Variants in PLXDC1 observed in about 807,000 individuals in gnomAD.
The protein encoded by PLXDC1 is plexin domain containing 1.
Under a neutral mutation model 61.3 loss-of-function variants are expected in PLXDC1, and 39 were observed. That is an observed-to-expected ratio of 0.64 (90% CI 0.49 to 0.83). The LOEUF (loss-of-function observed/expected upper bound fraction) is 0.83, where lower values mean the gene tolerates loss of function less well. Ranked by LOEUF, PLXDC1 falls within the 40% of genes least tolerant of loss-of-function variation. The pLI, the probability that PLXDC1 is intolerant of heterozygous loss-of-function variation, is 0.00. For missense variants in PLXDC1, 596 were observed against 666.5 expected (o/e 0.89, Z 1.17); for synonymous variants, 212 against 254.5 (o/e 0.83, Z 1.59).
At chr17:39,068,933 G>A (rs945029392) in intron 13 of PLXDC1, among the ~76,000 whole-genome samples, 1 of 152,192 alleles carries the variant, frequency 6.6e-6, no homozygotes, top group African/African-American at 2.4e-5. Flanking sequence ...AGCCAGAAGT[G>A]GAGGACTGGG....
chr17:39,072,475 CT>C lies in PLXDC1; in HGVS notation c.1196del (p.Lys399SerfsTer2). 6.5e-7 allele frequency: 1 copy of C among 1,550,064 alleles called. No homozygotes were observed. Among genetic ancestry groups the C allele is most frequent in the Non-Finnish European group, 8.8e-7 (1 of 1,141,352 alleles). On this transcript the variant is annotated frameshift_variant, in exon 12 of 14. Transcript: ENST00000315392. LOFTEE classifies it high-confidence loss of function. ...IDSLTTEDDT[K>X]LNPYAGGDGL... ...CGTCTCCTCCTGCATAGGGATTCAA[CT>C]TGGTGTCATCTTCAAAGAGAGAAGA...
At chr17:39,108,845 C>A (rs904069956) in intron 4 of PLXDC1, 59 bp downstream of exon 4, 2 of 1,156,266 alleles carry the variant, frequency 1.7e-6, no homozygotes, top group Admixed American at 1.8e-5. Context: ...CCTGGGAGGG[C>A]CCCTGAGTTC....
At chr17:39,076,732 T>C (rs530362728) in intron 11 of PLXDC1, among the ~76,000 whole-genome samples, 1 of 152,038 alleles carries the variant, frequency 6.6e-6, no homozygotes, top group African/African-American at 2.4e-5. Flanking sequence ...TTGTTTTGTT[T>C]TGTGTTGTGT....
chr17:39,130,373 A>G (rs1479473149), intron 2 of PLXDC1, among the ~76,000 whole-genome samples: 1 of 152,034 alleles, frequency 6.6e-6, no homozygotes, highest in African/African-American at 2.4e-5. Flanking sequence ...AGATCCCTTG[A>G]GCCCAGGAGG....
intron 2 of PLXDC1, among the ~76,000 whole-genome samples, chr17:39,130,386 G>A (rs758945297): frequency 2.0e-5 from 3 of 151,992 alleles, no homozygotes; most frequent in Non-Finnish European, 4.4e-5. Context: ...CCAGGAGGTC[G>A]AGGCTGCAGT....
intron 1 of PLXDC1, among the ~76,000 whole-genome samples, chr17:39,142,702 T>C (rs187124463): frequency 1.5e-4 from 23 of 152,346 alleles, no homozygotes; most frequent in Non-Finnish European, 2.9e-5. Context: ...TATTATTTTA[T>C]TTTGTATTTT....
chr17:39,144,393 G>A (rs1912029274), intron 1 of PLXDC1, among the ~76,000 whole-genome samples: 1 of 152,190 alleles, frequency 6.6e-6, no homozygotes. Context: ...AAGAGGGCAG[G>A]GCGAGGGATG....
chr17:39,122,632 C>T (rs566372894), intron 2 of PLXDC1, among the ~76,000 whole-genome samples: 2 of 152,150 alleles, frequency 1.3e-5, no homozygotes, highest in Non-Finnish European at 2.9e-5. Context: ...TGGCAGTGAA[C>T]CTTCCCAAGG....
At chr17:39,071,116 G>A (rs141576418) in intron 12 of PLXDC1, among the ~76,000 whole-genome samples, 1 of 152,312 alleles carries the variant, frequency 6.6e-6, no homozygotes, top group African/African-American at 2.4e-5. Flanking sequence ...ATACGTCCCG[G>A]GGGAGAGAGT....
intron 2 of PLXDC1, among the ~76,000 whole-genome samples, chr17:39,112,843 G>C (rs1378966342): frequency 6.6e-6 from 1 of 152,126 alleles, no homozygotes; most frequent in East Asian, 1.9e-4. Flanking sequence ...TATGATCTGT[G>C]GGTGAGGGGA....
At chr17:39,113,996 GAT>G (rs1159745735) in intron 2 of PLXDC1, among the ~76,000 whole-genome samples, 1 of 152,158 alleles carries the variant, frequency 6.6e-6, no homozygotes, top group Non-Finnish European at 1.5e-5. Flanking sequence ...TTCTGAAAGA[GAT>G]CAAATTTGAC....
chr17:39,149,881 C>T (rs2045362440), intron 1 of PLXDC1, among the ~76,000 whole-genome samples: 1 of 152,124 alleles, frequency 6.6e-6, no homozygotes, highest in South Asian at 2.1e-4. Flanking sequence ...TCAAAGGAGC[C>T]CAGAAATTAT....
intron 1 of PLXDC1, among the ~76,000 whole-genome samples, chr17:39,145,479 C>T (rs1807614891): frequency 6.6e-6 from 1 of 152,160 alleles, no homozygotes; most frequent in African/African-American, 2.4e-5. Flanking sequence ...CCTGGGTCAG[C>T]CTCCACCCTT....
rs964061231 is a variant in PLXDC1 at position 39,087,633 on chromosome 17, G to A, written c.881C>T (p.Ser294Leu). 8.7e-6 allele frequency: 14 copies of A among 1,613,874 alleles called. No individual in the cohort carries two copies. Among genetic ancestry groups the A allele is most frequent in the Admixed American group, 8.3e-5 (5 of 60,000 alleles). Residue 294 changes from serine to leucine, a missense_variant, in exon 8 of 14, where the codon TCG (serine) becomes TTG (leucine). Physicochemically the swap from Ser to Leu is moderately radical, Grantham distance 145 (BLOSUM62 -2). Coordinates refer to ENST00000315392, the MANE Select transcript of PLXDC1 (RefSeq NM_020405.5). ...ELDPSKVTSM[S>L]AVEFTPLPTC... ...CGGCAATGGGGTGAACTCCACGGCC[G>A]ACATGCTGGTGACCTTGCTGGGGTC...
chr17:39,144,162 C>G (rs1276143861), intron 1 of PLXDC1, among the ~76,000 whole-genome samples: 1 of 152,088 alleles, frequency 6.6e-6, no homozygotes, highest in Non-Finnish European at 1.5e-5. Flanking sequence ...TGGGGGTGGC[C>G]AGGGAAGAGA....
chr17:39,124,407 A>G (rs1911257201), intron 2 of PLXDC1, among the ~76,000 whole-genome samples: 1 of 152,222 alleles, frequency 6.6e-6, no homozygotes, highest in African/African-American at 2.4e-5. Flanking sequence ...AGCCTGGGCA[A>G]CATAGGGAGC....
chr17:39,139,643 C>T lies in PLXDC1; in HGVS notation c.255+11G>A. The T allele has an allele frequency of 6.2e-7, 1 of 1,604,778 alleles. No homozygotes were observed. Among genetic ancestry groups the T allele is most frequent in the Non-Finnish European group, 8.5e-7 (1 of 1,173,858 alleles). ...CACTTCGCTCCCCCTCCATGTTCCTCCAGCACTCACCACCACCCTGGTCCT... is the reference window on the plus strand; with the variant it reads ...CACTTCGCTCCCCCTCCATGTTCCTTCAGCACTCACCACCACCCTGGTCCT... On this transcript the variant is annotated intron_variant, in intron 2 of 13. Coordinates refer to ENST00000315392, the MANE Select transcript of PLXDC1 (RefSeq NM_020405.5).
Position 39,141,738 on chromosome 17 carries a change from C to A in PLXDC1, c.77-1906G>T, listed in dbSNP as rs553232681. 1.2e-4 allele frequency among the ~76,000 whole-genome samples: 19 copies of A among 152,268 alleles called. No homozygotes were observed. In the East Asian group the frequency reaches 1.7e-3, roughly 14 times the overall value. On this transcript the variant is annotated intron_variant, in intron 1 of 13. Transcript: ENST00000315392. ...ACTGTTTTCCATATAAAATGTTTTC[C>A]ATGTAAAATGACTGGACCATTTTAC...
intron 2 of PLXDC1, among the ~76,000 whole-genome samples, chr17:39,135,716 C>T (rs1451268171): frequency 1.3e-5 from 2 of 151,156 alleles, no homozygotes; most frequent in African/African-American, 4.9e-5. Context: ...CCTACATGAC[C>T]ATCAGAATCA....
Sources: gnomAD v4.1 joint callset for allele counts (sites outside exome capture counted in the v4.1 genomes callset) on GRCh38, gnomAD v4.1.1 for gene constraint, MANE v1.5 for transcripts, NCBI Gene and HGNC (gene_info 2026-07-23, HGNC 2026-07-21) for gene names.